RGS9: variants seen among roughly 807,000 people sequenced by gnomAD.
The protein encoded by RGS9 is regulator of G-protein signalling 9.
A neutral mutation model predicts 102.0 loss-of-function variants in RGS9; 78 were observed. The ratio of observed to expected loss-of-function variants is 0.76; its 90% CI spans 0.64 to 0.92. The LOEUF is 0.92. Ranked by LOEUF, RGS9 falls within the 40% of genes least tolerant of loss-of-function variation. RGS9 has a pLI of 0.00. For missense variants in RGS9, 833 were observed against 866.1 expected, an observed-to-expected ratio of 0.96 and a Z score of 0.48; for synonymous variants, 353 against 318.6, an observed-to-expected ratio of 1.11 and a Z score of -1.15.
At chr17:65,157,640 A>C (rs1910816598) in intron 2 of RGS9, among the ~76,000 whole-genome samples, 2 of 152,140 alleles carry the variant, frequency 1.3e-5, no homozygotes, top group South Asian at 2.1e-4. Flanking sequence ...GAGAGTACAC[A>C]TGGAGCCTTC....
chr17:65,143,754 A>G (rs1011743767), intron 1 of RGS9, among the ~76,000 whole-genome samples: 1 of 149,242 alleles, frequency 6.7e-6, no homozygotes, highest in Non-Finnish European at 1.5e-5. Flanking sequence ...AGATTGTGCC[A>G]CTGCACTCCA....
At chr17:65,159,839 G>A (rs1598570653) in intron 3 of RGS9, among the ~76,000 whole-genome samples, 1 of 152,296 alleles carries the variant, frequency 6.6e-6, no homozygotes, top group Non-Finnish European at 1.5e-5. Flanking sequence ...GAGTGACAAA[G>A]TGTCTGTTGG....
Position 65,137,537 on chromosome 17 carries a change from C to T in RGS9, c.-4C>T, listed in dbSNP as rs1909953827. The T allele has an allele frequency of 6.2e-7, 1 of 1,611,810 alleles. No homozygotes were observed. ...TCTGGCTGTGAATCCATCCAGGGGC[C>T]AGGATGACAATCCGACACCAAGGCC... On this transcript the variant is annotated 5_prime_UTR_variant, in exon 1 of 19. Coordinates refer to ENST00000262406, the MANE Select transcript of RGS9 (RefSeq NM_003835.4).
intron 10 of RGS9, among the ~76,000 whole-genome samples, chr17:65,189,967 A>G (rs1280626793): frequency 1.3e-5 from 2 of 151,942 alleles, no homozygotes. Context: ...TCCCAGACTA[A>G]TACATAATGG....
chr17:65,214,905 C>A (rs1913430451), intron 17 of RGS9, among the ~76,000 whole-genome samples: 1 of 152,224 alleles, frequency 6.6e-6, no homozygotes, highest in Admixed American at 6.5e-5. Flanking sequence ...ATTTAGATGC[C>A]CCTTCTCTGG....
At chr17:65,199,721 T>C (rs1912749507) in intron 13 of RGS9, among the ~76,000 whole-genome samples, 1 of 152,014 alleles carries the variant, frequency 6.6e-6, no homozygotes, top group Non-Finnish European at 1.5e-5. Flanking sequence ...CTCAAACTCC[T>C]GACCTCAGGT....
At chr17:65,216,911 G>T (rs1913543099) in intron 17 of RGS9, among the ~76,000 whole-genome samples, 1 of 152,298 alleles carries the variant, frequency 6.6e-6, no homozygotes, top group East Asian at 1.9e-4. Flanking sequence ...AGTAATTTTA[G>T]ATGGGTTCAT....
intron 17 of RGS9, among the ~76,000 whole-genome samples, chr17:65,210,934 G>C (rs1202426598): frequency 6.6e-6 from 1 of 152,102 alleles, no homozygotes; most frequent in Non-Finnish European, 1.5e-5. Context: ...TTGTACCTTA[G>C]AGAGTTCTTA....
chr17:65,199,182 T>C (rs1328215234), intron 13 of RGS9, among the ~76,000 whole-genome samples: 1 of 152,238 alleles, frequency 6.6e-6, no homozygotes, highest in East Asian at 1.9e-4. Flanking sequence ...AAATTAACTT[T>C]TTAAAAGTGT....
chr17:65,224,774 G>A (rs537792403), intron 17 of RGS9, among the ~76,000 whole-genome samples: 31 of 152,316 alleles, frequency 2.0e-4, no homozygotes, highest in African/African-American at 7.2e-4. Flanking sequence ...CCCTGGGACT[G>A]TGACCAGGGC....
intron 17 of RGS9, among the ~76,000 whole-genome samples, chr17:65,212,452 C>A (rs1435839149): frequency 2.0e-5 from 3 of 152,208 alleles, no homozygotes; most frequent in Middle Eastern, 3.4e-3. Flanking sequence ...AAAGAGTTGG[C>A]CATAAGAGCA....
Position 65,158,995 on chromosome 17 carries a change from G to A in RGS9, c.205+650G>A, listed in dbSNP as rs537816696. Among the ~76,000 whole-genome samples, 23 of 152,272 alleles carry A rather than the reference G, an allele frequency of 1.5e-4. 1 individual carries two copies. The South Asian group carries it at 4.8e-3, about 32-fold the overall frequency. On this transcript the variant is annotated intron_variant, in intron 3 of 18. Transcript: ENST00000262406. ...AATGAACTGAAGAATCACAAAAGAA[G>A]TGATATTTACATGGCCTGTTCCTGA... is the stretch of plus-strand genomic sequence containing the variant.
At position 65,173,556 on chromosome 17, in the gene RGS9, G is replaced by A. The variant is rs572769837; in HGVS notation, c.583-4176G>A. ...CCAAGGGATGTTGTTTGTGGGGGGC[G>A]GGGTCATACCCTGGTGTTCACAGTT... On this transcript the variant is annotated intron_variant, in intron 8 of 18. Transcript: ENST00000262406. The surrounding 1 kb of genome is among the most constrained non-coding windows in gnomAD (Gnocchi z 4.8). 3.3e-5 allele frequency among the ~76,000 whole-genome samples: 5 copies of A among 152,228 alleles called. No homozygotes were observed. Among genetic ancestry groups the A allele is most frequent in the Non-Finnish European group, 5.9e-5 (4 of 68,042 alleles).
chr17:65,174,851 G>A (rs1186807952), intron 8 of RGS9, among the ~76,000 whole-genome samples: 2 of 152,290 alleles, frequency 1.3e-5, no homozygotes, highest in African/African-American at 2.4e-5. Flanking sequence ...ACGGGAAAAG[G>A]CACATCTGAC....
Position 65,207,978 on chromosome 17 carries a change from T to G in RGS9, c.1260T>G (p.Ala420=), listed in dbSNP as rs1221734560. Residue 420 remains alanine (A), a synonymous_variant, in exon 16 of 19, where the codon GCT becomes GCG. Coordinates refer to ENST00000262406, the MANE Select transcript of RGS9 (RefSeq NM_003835.4). ...TCTATAAGGACATGCTGGCCAAAGC[T>G]ATTGAACCTCAGGAAACCACCAAGA... ...SPIYKDMLAK[A]IEPQETTKKS... 1 of 1,613,454 alleles carries G rather than the reference T, an allele frequency of 6.2e-7. No homozygotes were observed. The highest frequency in any genetic ancestry group is 8.5e-7 in the Non-Finnish European group (1 of 1,179,426).
chr17:65,161,366 C>T (rs186517043), intron 6 of RGS9, among the ~76,000 whole-genome samples: 2 of 152,206 alleles, frequency 1.3e-5, no homozygotes, highest in Non-Finnish European at 2.9e-5. Context: ...ATTCTCCTGC[C>T]TTAGCCTCCC....
intron 8 of RGS9, 73 bp from the exon 9 acceptor site, chr17:65,177,659 A>G (rs1169153076): frequency 5.8e-5 from 83 of 1,426,334 alleles, no homozygotes; most frequent in Admixed American, 1.0e-4. Context: ...TGGCAGATTA[A>G]CCAAGACCCA....
At position 65,168,118 on chromosome 17, in the gene RGS9, C is replaced by A. The variant is rs374405338; in HGVS notation, c.501-82C>A. 5.0e-5 allele frequency: 44 copies of A among 883,020 alleles called. No homozygotes were observed. The East Asian group carries it at 8.9e-4, about 18-fold the overall frequency. The allele number at this position is 883,020 out of a possible 1,614,324, so 54.7% of individuals were successfully genotyped here. ...TACTTGGGCAGGTTGGGAGAGGGGT[C>A]TAGGTCATCAGGAATGAGGGGCATC... On this transcript the variant is annotated intron_variant, in intron 7 of 18. Coordinates refer to ENST00000262406, the MANE Select transcript of RGS9 (RefSeq NM_003835.4).
chr17:65,197,430 T>C (rs1472481654), intron 13 of RGS9, among the ~76,000 whole-genome samples, 189 bp downstream of exon 13: 2 of 152,066 alleles, frequency 1.3e-5, no homozygotes, highest in Admixed American at 1.3e-4. Context: ...TTCCATAGAC[T>C]CAAAGAGGCC....
Sources: gnomAD v4.1 joint callset for allele counts (sites outside exome capture counted in the v4.1 genomes callset) on GRCh38, gnomAD v4.1.1 for gene constraint, Gnocchi (gnomAD v3.1) non-coding constraint, MANE v1.5 for transcripts, NCBI Gene and HGNC (gene_info 2026-07-23, HGNC 2026-07-21) for gene names.